Variants in CAND1 observed in about 807,000 individuals in gnomAD.
CAND1 encodes cullin associated and neddylation dissociated 1, also known as cullin-associated NEDD8-dissociated protein 1.
A neutral mutation model predicts 108.5 loss-of-function variants in CAND1; 7 were observed. The ratio of observed to expected loss-of-function variants is 0.06; its 90% CI spans 0.04 to 0.12. CAND1 has a LOEUF of 0.12. CAND1 is among the 10% of genes least tolerant of loss of function. The pLI is 1.00. For missense variants in CAND1, 941 were observed against 1,448.7 expected, an observed-to-expected ratio of 0.65 and a Z score of 5.69; for synonymous variants, 534 against 512.0, an observed-to-expected ratio of 1.04 and a Z score of -0.58.
At position 67,269,618 on chromosome 12, in the gene CAND1, C is replaced by A; in HGVS notation, c.-100C>A. ...GCTGCGACCCTGGAAGCGGGAGCCG[C>A]CGCGAGCGAGAGGAGGAGCTCCAGT... On this transcript the variant is annotated 5_prime_UTR_variant, in exon 1 of 15. Transcript: ENST00000545606. 1 of 1,056,438 alleles carries A rather than the reference C, an allele frequency of 9.5e-7. No homozygotes were observed. The highest frequency in any genetic ancestry group is 1.4e-6 in the Non-Finnish European group (1 of 722,032). The allele number at this position is 1,056,438 out of a possible 1,614,324, so 65.4% of individuals were successfully genotyped here. A position where few individuals can be genotyped will look rare whatever the true frequency, so the allele number is the denominator to read the frequency against.
chr12:67,269,629 AG>A lies in CAND1; in HGVS notation c.-87del. 2.6e-6 allele frequency: 3 copies of A among 1,149,888 alleles called. No homozygotes were observed. The South Asian group carries it at 3.9e-5, about 15-fold the overall frequency. 71.2% of individuals were successfully genotyped at this position (1,149,888 alleles called of 1,614,324 possible). On this transcript the variant is annotated 5_prime_UTR_variant, in exon 1 of 15. Coordinates refer to ENST00000545606, the MANE Select transcript of CAND1 (RefSeq NM_018448.5). Reference sequence around the variant, plus strand: ...GGAAGCGGGAGCCGCCGCGAGCGAGAGGAGGAGCTCCAGTGGCGGCGGCGGC... The same window carrying A: ...GGAAGCGGGAGCCGCCGCGAGCGAGAGAGGAGCTCCAGTGGCGGCGGCGGC...
At chr12:67,300,868 C>G (rs549946841) in intron 7 of CAND1, among the ~76,000 whole-genome samples, 1 of 152,090 alleles carries the variant, frequency 6.6e-6, no homozygotes, top group African/African-American at 2.4e-5. Context: ...AATGTATATT[C>G]CAGGTTTTGA....
chr12:67,281,292 T>C (rs2044617748), intron 1 of CAND1, among the ~76,000 whole-genome samples: 1 of 151,762 alleles, frequency 6.6e-6, no homozygotes, highest in African/African-American at 2.4e-5. Flanking sequence ...ATCCTGCCAC[T>C]GCACTCCAGC....
At chr12:67,299,145 A>C (rs751743076) in intron 7 of CAND1, 50 bp downstream of exon 7, 14 of 1,447,068 alleles carry the variant, frequency 9.7e-6, no homozygotes, top group Non-Finnish European at 1.3e-5. Flanking sequence ...AGACACTTAT[A>C]GATGGAGATG....
chr12:67,276,515 G>A (rs550457117), intron 1 of CAND1, among the ~76,000 whole-genome samples: 1 of 152,266 alleles, frequency 6.6e-6, no homozygotes, highest in East Asian at 1.9e-4. Context: ...TTTAGGTTGA[G>A]TGTTGTCAGA....
intron 1 of CAND1, 22 bp from the exon 2 acceptor site, chr12:67,281,888 A>G (rs747786989): frequency 2.0e-6 from 3 of 1,536,402 alleles, no homozygotes; most frequent in Admixed American, 4.4e-5. Flanking sequence ...TTTCAAATTA[A>G]CAAATTTTAT....
chr12:67,271,727 A>T (rs2044522542), intron 1 of CAND1, among the ~76,000 whole-genome samples: 1 of 152,234 alleles, frequency 6.6e-6, no homozygotes, highest in Non-Finnish European at 1.5e-5. Flanking sequence ...GATTAGTGTA[A>T]TATTGATATA....
rs564045566 is a variant in CAND1 at position 67,273,630 on chromosome 12, C to T, written c.68+3845C>T. On this transcript the variant is annotated intron_variant, in intron 1 of 14. Coordinates refer to ENST00000545606, the MANE Select transcript of CAND1 (RefSeq NM_018448.5). The stretch of plus-strand genomic sequence containing the variant: ...CCCAGAGTAGCTGGGACTACAGGTG[C>T]GCACCACCACACTCAGCTAATTTTT... 1.8e-3 allele frequency among the ~76,000 whole-genome samples: 268 copies of T among 151,950 alleles called. 1 individual carries two copies. The highest frequency in any genetic ancestry group is 3.7e-3 in the Admixed American group (57 of 15,238).
chr12:67,306,540 C>T lies in CAND1; in HGVS notation c.2872C>T (p.Leu958Phe). 6.2e-7 allele frequency: 1 copy of T among 1,613,996 alleles called. No individual in the cohort carries two copies. The highest frequency in any genetic ancestry group is 2.2e-5 in the East Asian group (1 of 44,870). Residue 958 changes from leucine (L) to phenylalanine (F), a missense_variant, in exon 10 of 15, where the codon CTC becomes TTC. Physicochemically the swap from Leu to Phe is conservative, Grantham distance 22. Transcript: ENST00000545606. ...TGTTGTTGCTGAATGTCTAGGAAAA[C>T]TCACTCTAATTGATCCAGAAACTCT... The part of the protein sequence containing the change: ...RNVVAECLGK[L>F]TLIDPETLLP...
At position 67,305,840 on chromosome 12, in the gene CAND1, C is replaced by T. The variant is rs2044877166; in HGVS notation, c.2172C>T (p.Pro724=). ...TTACCACTTTGGCAAAAGTATATCC[C>T]TCCTCCCTTTCAAAGATAAGTGGAT... is the stretch of plus-strand genomic sequence containing the variant. The part of the protein sequence containing the change: ...SFLTTLAKVY[P]SSLSKISGSI... Residue 724 remains proline, a synonymous_variant, in exon 10 of 15, where the codon CCC becomes CCT. Coordinates refer to ENST00000545606, the MANE Select transcript of CAND1 (RefSeq NM_018448.5). This position sits in a 1 kb window ranked among gnomAD's most constrained non-coding sequence, Gnocchi z 4.4. The T allele has an allele frequency of 2.5e-6, 4 of 1,614,068 alleles. No individual in the cohort carries two copies. The African/African-American group carries it at 5.3e-5, about 22-fold the overall frequency.
chr12:67,274,827 A>C (rs1042498680), intron 1 of CAND1, among the ~76,000 whole-genome samples: 3 of 152,192 alleles, frequency 2.0e-5, no homozygotes, highest in African/African-American at 4.8e-5. Context: ...TGTAAAAAAA[A>C]CTCAAGCCTT....
Position 67,309,919 on chromosome 12 carries a change from T to C in CAND1, c.3044T>C (p.Leu1015Ser). 2 of 1,602,814 alleles carry C rather than the reference T, an allele frequency of 1.2e-6. No individual in the cohort carries two copies. The highest frequency in any genetic ancestry group is 1.3e-5 in the African/African-American group (1 of 74,288). Residue 1015 changes from leucine (L) to serine (S), a missense_variant, in exon 12 of 15, where the codon TTG (leucine) becomes TCG (serine). By Grantham distance (145) the Leu-to-Ser change is moderately radical. Coordinates refer to ENST00000545606, the MANE Select transcript of CAND1 (RefSeq NM_018448.5). ...KNCIGDFLKT[L>S]EDPDLNVRRV... ...ATTTCAGGTGATTTCCTAAAAACTT[T>C]GGAAGACCCAGATTTGAATGTGAGA...
At chr12:67,281,679 TAAA>T (rs1307255048) in intron 1 of CAND1, among the ~76,000 whole-genome samples, 3 of 152,188 alleles carry the variant, frequency 2.0e-5, no homozygotes, top group Admixed American at 1.3e-4. Context: ...TATCAGTACT[TAAA>T]AAGTCTCACC....
chr12:67,277,720 C>A (rs1266305170), intron 1 of CAND1, among the ~76,000 whole-genome samples: 1 of 152,136 alleles, frequency 6.6e-6, no homozygotes, highest in African/African-American at 2.4e-5. Flanking sequence ...AAATAGGAAG[C>A]ATTAATTTTG....
In CAND1 at chr12:67,312,495, CT is replaced by C. The variant is rs2044962139; in HGVS notation, c.3469-109del. The C allele has an allele frequency of 6.6e-6, 4 of 603,294 alleles. 1 individual carries two copies. The East Asian group carries it at 1.1e-4, about 17-fold the overall frequency. 37.4% of individuals were successfully genotyped at this position (603,294 alleles called of 1,614,324 possible). On this transcript the variant is annotated intron_variant, in intron 14 of 14. Transcript: ENST00000545606. ...CAGTTGTTCTTAGAATGTAATATGC[CT>C]TATGGACCTACGAGAGTAGCTTTTA...
intron 7 of CAND1, among the ~76,000 whole-genome samples, chr12:67,300,115 T>C (rs1405431329): frequency 6.6e-6 from 1 of 152,182 alleles, no homozygotes; most frequent in Non-Finnish European, 1.5e-5. Context: ...TGACTCTGCC[T>C]ATCGTATTAC....
chr12:67,310,365 T>G (rs766306863), intron 13 of CAND1, 49 bp downstream of exon 13: 13 of 1,352,144 alleles, frequency 9.6e-6, no homozygotes, highest in African/African-American at 4.4e-5. Context: ...AAGACTTTGC[T>G]AGAGCAACTT....
At chr12:67,276,456 C>T (rs1180585617) in intron 1 of CAND1, among the ~76,000 whole-genome samples, 1 of 152,106 alleles carries the variant, frequency 6.6e-6, no homozygotes, top group Non-Finnish European at 1.5e-5. Flanking sequence ...TAGAAGGAAC[C>T]TATTCATTTG....
chr12:67,289,401 T>G (rs1214896813), intron 2 of CAND1, among the ~76,000 whole-genome samples: 1 of 152,022 alleles, frequency 6.6e-6, no homozygotes, highest in Non-Finnish European at 1.5e-5. Flanking sequence ...AACATTCTCT[T>G]TTTTTAAGGC....
Sources: gnomAD v4.1 joint callset for allele counts (sites outside exome capture counted in the v4.1 genomes callset) on GRCh38, gnomAD v4.1.1 for gene constraint, Gnocchi (gnomAD v3.1) non-coding constraint, MANE v1.5 for transcripts, NCBI Gene and HGNC (gene_info 2026-07-23, HGNC 2026-07-21) for gene names.